CCDC15: variants seen among roughly 807,000 people sequenced by gnomAD.
CCDC15 encodes coiled-coil domain containing 15.
Under a neutral mutation model 114.5 loss-of-function variants are expected in CCDC15, and 105 were observed. That is an observed-to-expected ratio of 0.92 (90% CI 0.78 to 1.08). The LOEUF (loss-of-function observed/expected upper bound fraction) is 1.08, where lower values mean the gene tolerates loss of function less well. Ranked by LOEUF, CCDC15 falls within the 50% of genes least tolerant of loss-of-function variation. The probability of loss-of-function intolerance (pLI) is 0.00; values close to 1 mark genes in which losing one functional copy is unlikely to be tolerated. For missense variants in CCDC15, 1,105 were observed against 1,093.6 expected (o/e 1.01, Z -0.15); for synonymous variants, 334 against 377.8 (o/e 0.88, Z 1.34).
rs1384904411 is a variant in CCDC15, at chr11:125,003,894, A to G, written c.2242A>G (p.Ser748Gly). 6.4e-7 allele frequency: 1 copy of G among 1,565,900 alleles called. No individual in the cohort carries two copies. The highest frequency in any genetic ancestry group is 8.6e-7 in the Non-Finnish European group (1 of 1,162,024). The change falls in exon 12 of 16, where the codon AGC (serine) becomes GGC (glycine). Residue 748 changes from serine (S) to glycine (G), a missense_variant. Coordinates refer to ENST00000344762, the MANE Select transcript of CCDC15 (RefSeq NM_025004.3). Reference sequence around the variant, plus strand: ...TTATGATAGGTATCAATCAGGATTGAGCACTGAATTCCAAGCTCCACTGGC... The same window carrying G: ...TTATGATAGGTATCAATCAGGATTGGGCACTGAATTCCAAGCTCCACTGGC... ...LAYDRYQSGL[S>G]TEFQAPLAFQ...
intron 13 of CCDC15, among the ~76,000 whole-genome samples, chr11:125,007,635 G>GT (rs1008681379): frequency 3.1e-4 from 46 of 148,480 alleles, no homozygotes; most frequent in South Asian, 4.3e-4. Flanking sequence ...CTGTTTTTAG[G>GT]TTTTTTTTTT....
intron 9 of CCDC15, among the ~76,000 whole-genome samples, chr11:124,991,807 C>A (rs1467689360): frequency 6.6e-6 from 1 of 152,182 alleles, no homozygotes; most frequent in Non-Finnish European, 1.5e-5. Flanking sequence ...CCTCAGCCTC[C>A]CGAGTAGCTG....
intron 13 of CCDC15, among the ~76,000 whole-genome samples, chr11:125,027,889 T>A (rs1161258990): frequency 6.6e-6 from 1 of 152,198 alleles, no homozygotes. Flanking sequence ...AAGTCTTTGA[T>A]CCATCTTGAG....
intron 11 of CCDC15, among the ~76,000 whole-genome samples, chr11:124,997,031 A>G (rs965601841): frequency 3.3e-5 from 5 of 152,162 alleles, no homozygotes; most frequent in African/African-American, 1.2e-4. Flanking sequence ...TGTTTCTGAG[A>G]TTCATTCATA....
intron 4 of CCDC15, among the ~76,000 whole-genome samples, chr11:124,962,219 G>A (rs571093782): frequency 2.0e-5 from 3 of 152,100 alleles, no homozygotes; most frequent in Non-Finnish European, 4.4e-5. Flanking sequence ...GTTCAGGCAC[G>A]AACTCCCTTA....
At chr11:124,997,899 A>G (rs905390369) in intron 11 of CCDC15, among the ~76,000 whole-genome samples, 2 of 152,154 alleles carry the variant, frequency 1.3e-5, no homozygotes, top group African/African-American at 4.8e-5. Context: ...CCGAGATCGC[A>G]CCACTACACT....
At chr11:125,026,822 T>G (rs1315005862) in intron 13 of CCDC15, among the ~76,000 whole-genome samples, 1 of 152,154 alleles carries the variant, frequency 6.6e-6, no homozygotes. Flanking sequence ...TTTCCGAGAT[T>G]TTGGTGCACC....
chr11:124,969,873 T>C (rs1418487675), intron 4 of CCDC15, among the ~76,000 whole-genome samples: 1 of 152,218 alleles, frequency 6.6e-6, no homozygotes, highest in Non-Finnish European at 1.5e-5. Flanking sequence ...TGAGTTTTTC[T>C]GGATGTGAGC....
At chr11:125,035,166 G>A (rs994796604) in intron 13 of CCDC15, among the ~76,000 whole-genome samples, 2 of 152,102 alleles carry the variant, frequency 1.3e-5, no homozygotes, top group Non-Finnish European at 2.9e-5. Context: ...GGCCACGCTG[G>A]CAGTTGATAA....
chr11:125,005,611 C>G (rs1435726686), intron 13 of CCDC15, among the ~76,000 whole-genome samples: 13 of 152,094 alleles, frequency 8.5e-5, no homozygotes, highest in Admixed American at 7.2e-4. Flanking sequence ...TGGTGTTAGG[C>G]ATTCTATGGG....
chr11:125,009,350 A>C (rs1387081422), intron 13 of CCDC15, among the ~76,000 whole-genome samples: 1 of 152,204 alleles, frequency 6.6e-6, no homozygotes, highest in Non-Finnish European at 1.5e-5. Flanking sequence ...GAAATTTGTG[A>C]AGTGCTATAA....
chr11:124,986,735 T>C lies in CCDC15; in HGVS notation c.754-7T>C. 1 of 1,534,924 alleles carries C rather than the reference T, an allele frequency of 6.5e-7. No individual in the cohort carries two copies. On this transcript the variant is annotated splice_region_variant and splice_polypyrimidine_tract_variant and intron_variant, in intron 6 of 15. Coordinates refer to ENST00000344762, the MANE Select transcript of CCDC15 (RefSeq NM_025004.3). ...CGCGTGCGCGTTTTCATTGTTTTTT[T>C]CTTTAGGAACTTGACTATGAGGAAC...
chr11:125,037,041 C>T (rs1948780091), intron 13 of CCDC15, among the ~76,000 whole-genome samples: 1 of 152,150 alleles, frequency 6.6e-6, no homozygotes, highest in African/African-American at 2.4e-5. Flanking sequence ...TGGATGTTCA[C>T]TGGAGTCTGG....
In CCDC15 at chr11:124,987,518, A is replaced by T; in HGVS notation, c.1292A>T (p.His431Leu). 1 of 1,614,044 alleles carries T rather than the reference A, an allele frequency of 6.2e-7. No homozygotes were observed. The highest frequency in any genetic ancestry group is 1.3e-5 in the African/African-American group (1 of 75,060). Residue 431 changes from histidine (H) to leucine (L), a missense_variant, in exon 8 of 16, where the codon CAC (histidine) becomes CTC (leucine). By Grantham distance (99) the His-to-Leu change is moderately conservative. Transcript: ENST00000344762. The part of the protein sequence containing the change: ...TKNQDVLLKD[H>L]CVLPKDQSIL... ...AACCAGGATGTTTTACTCAAAGACC[A>T]CTGTGTTCTCCCTAAAGACCAGAGT...
intron 6 of CCDC15, among the ~76,000 whole-genome samples, chr11:124,985,117 T>G (rs1044114691): frequency 6.6e-6 from 1 of 152,260 alleles, no homozygotes; most frequent in Non-Finnish European, 1.5e-5. Context: ...TATCGTCTTT[T>G]GTGACTGTTT....
chr11:124,969,720 A>G (rs1947848186), intron 4 of CCDC15, among the ~76,000 whole-genome samples: 1 of 152,226 alleles, frequency 6.6e-6, no homozygotes, highest in South Asian at 2.1e-4. Context: ...TCAGTCAGAC[A>G]CTTTTGCCTG....
intron 13 of CCDC15, among the ~76,000 whole-genome samples, chr11:125,021,371 C>T (rs1948659552): frequency 1.3e-5 from 2 of 151,702 alleles, no homozygotes; most frequent in South Asian, 4.1e-4. Context: ...ATTATTGTTC[C>T]CCTATTGAAC....
rs1252521891 is a variant in CCDC15, at chr11:124,954,909, T to C, written c.177T>C (p.Tyr59=). 6.2e-7 allele frequency: 1 copy of C among 1,613,842 alleles called. No homozygotes were observed. Among genetic ancestry groups the C allele is most frequent in the South Asian group, 1.1e-5 (1 of 91,068 alleles). ...CAGGTAGTTCGGAAATCCCAGCATA[T>C]GTGAGTGTCAGTTTGATCCAAATAT... ...ASPGSSEIPA[Y]TSAYLIEEEL... The change falls in exon 2 of 16, where the codon TAT becomes TAC. Residue 59 remains tyrosine (Y), a splice_region_variant and synonymous_variant. Transcript: ENST00000344762.
intron 14 of CCDC15, 157 bp downstream of exon 14, chr11:125,038,761 T>G: frequency 8.7e-7 from 1 of 1,151,886 alleles, no homozygotes; most frequent in South Asian, 1.6e-5. Flanking sequence ...TGCCTAATAC[T>G]TCTTGGGTGT....
Sources: allele counts gnomAD v4.1 joint callset (sites outside exome capture counted in the v4.1 genomes callset), GRCh38; gene constraint gnomAD v4.1.1; transcripts MANE v1.5; gene names NCBI Gene and HGNC (gene_info 2026-07-23, HGNC 2026-07-21).